MSR1: variants seen among roughly 807,000 people sequenced by gnomAD.
MSR1 encodes the protein macrophage scavenger receptor 1, also known as macrophage scavenger receptor types I and II.
MSR1 carries 53 observed loss-of-function variants against 47.2 expected under a neutral mutation model. The observed-to-expected ratio is 1.12, with a 90% CI of 0.90 to 1.41. MSR1 has a LOEUF of 1.41. MSR1 is among the 40% of genes most tolerant of loss of function. The pLI is 0.00. For missense variants in MSR1, 786 were observed against 546.9 expected (o/e 1.44, Z -4.36); for synonymous variants, 239 against 185.6 (o/e 1.29, Z -2.34).
At chr8:16,153,933 C>T (rs1800928814) in intron 6 of MSR1, among the ~76,000 whole-genome samples, 1 of 151,898 alleles carries the variant, frequency 6.6e-6, no homozygotes, top group South Asian at 2.1e-4. Flanking sequence ...GCAAGGCATT[C>T]AAAAGCACAT....
chr8:16,129,795 G>C (rs552543996), intron 8 of MSR1, among the ~76,000 whole-genome samples: 6 of 152,174 alleles, frequency 3.9e-5, no homozygotes, highest in African/African-American at 1.4e-4. Flanking sequence ...GACATTTCCA[G>C]AGACGATCGG....
intron 8 of MSR1, chr8:16,140,318 T>A: frequency 2.0e-6 from 2 of 985,262 alleles, no homozygotes; most frequent in Non-Finnish European, 2.4e-6. Flanking sequence ...TGACTCAGTC[T>A]TTACTTTGAT....
At chr8:16,114,212 G>A (rs1799825653) in intron 9 of MSR1, among the ~76,000 whole-genome samples, 1 of 139,830 alleles carries the variant, frequency 7.2e-6, no homozygotes. Flanking sequence ...TTTTTTGATT[G>A]CCTTCTGTTT....
intron 4 of MSR1, among the ~76,000 whole-genome samples, chr8:16,167,212 C>A (rs1002055498): frequency 2.1e-4 from 32 of 152,238 alleles, no homozygotes; most frequent in Middle Eastern, 3.4e-3. Context: ...CAGATAGTTT[C>A]CAATTTGCTT....
chr8:16,138,424 T>C (rs1038628444), intron 8 of MSR1, among the ~76,000 whole-genome samples: 2 of 152,198 alleles, frequency 1.3e-5, no homozygotes, highest in South Asian at 4.1e-4. Context: ...TTTTTAAAGT[T>C]GATAAAATTT....
intron 7 of MSR1, among the ~76,000 whole-genome samples, chr8:16,149,136 T>C (rs1240612957): frequency 1.3e-5 from 2 of 152,052 alleles, no homozygotes; most frequent in Admixed American, 1.3e-4. Context: ...CTGAAACACA[T>C]AAAATGTACA....
At chr8:16,123,036 G>T (rs1046032204) in intron 8 of MSR1, among the ~76,000 whole-genome samples, 2 of 151,672 alleles carry the variant, frequency 1.3e-5, no homozygotes, top group African/African-American at 4.8e-5. Context: ...TAGTACAGAC[G>T]GGGTTTCACC....
chr8:16,168,889 A>G lies in MSR1; in HGVS notation c.218-19T>C. ...AGTTGAGCTGTATATTTAAGTAAAAATAAACCAGTCATGGCCTGATCCTTG... is the reference window on the plus strand; with the variant it reads ...AGTTGAGCTGTATATTTAAGTAAAAGTAAACCAGTCATGGCCTGATCCTTG... On this transcript the variant is annotated intron_variant, in intron 3 of 9. Coordinates refer to ENST00000262101, the MANE Select transcript of MSR1 (RefSeq NM_138715.3). The G allele has an allele frequency of 1.2e-6, 2 of 1,608,988 alleles. No homozygotes were observed. Among genetic ancestry groups the G allele is most frequent in the Non-Finnish European group, 1.7e-6 (2 of 1,179,626 alleles).
intron 4 of MSR1, among the ~76,000 whole-genome samples, chr8:16,164,502 T>C (rs1323218408): frequency 6.6e-6 from 1 of 151,950 alleles, no homozygotes; most frequent in Non-Finnish European, 1.5e-5. Context: ...GTATCTATGA[T>C]ATGTTTCTAT....
chr8:16,160,488 G>A (rs1801131287), intron 5 of MSR1, among the ~76,000 whole-genome samples: 1 of 151,968 alleles, frequency 6.6e-6, no homozygotes, highest in South Asian at 2.1e-4. Flanking sequence ...TAGACAAGGA[G>A]GAGAAGACTT....
chr8:16,162,566 G>C (rs1295345607), intron 5 of MSR1, among the ~76,000 whole-genome samples: 1 of 152,002 alleles, frequency 6.6e-6, no homozygotes, highest in Non-Finnish European at 1.5e-5. Flanking sequence ...TGTAGATAAA[G>C]AAAGGCAGAT....
chr8:16,172,253 C>A (rs529957228), intron 3 of MSR1, among the ~76,000 whole-genome samples: 1 of 152,138 alleles, frequency 6.6e-6, no homozygotes, highest in South Asian at 2.1e-4. Flanking sequence ...GAAAGAGAAG[C>A]CCCAATGTGA....
intron 8 of MSR1, among the ~76,000 whole-genome samples, chr8:16,135,316 GA>G (rs1800363803): frequency 6.6e-6 from 1 of 152,112 alleles, no homozygotes; most frequent in African/African-American, 2.4e-5. Flanking sequence ...TTGCTATTCT[GA>G]AAATTCTAGG....
intron 7 of MSR1, among the ~76,000 whole-genome samples, chr8:16,144,988 C>G (rs1409863115): frequency 2.6e-5 from 4 of 151,754 alleles, no homozygotes; most frequent in Admixed American, 2.0e-4. Flanking sequence ...ATTTTGGATC[C>G]TAATTTACCA....
chr8:16,166,688 T>A (rs765839644), intron 4 of MSR1, among the ~76,000 whole-genome samples: 1 of 152,142 alleles, frequency 6.6e-6, no homozygotes, highest in Non-Finnish European at 1.5e-5. Context: ...TGGATGATGA[T>A]AAATGCCACC....
At chr8:16,175,531 G>C (rs1160312689) in intron 2 of MSR1, among the ~76,000 whole-genome samples, 1 of 152,170 alleles carries the variant, frequency 6.6e-6, no homozygotes, top group Non-Finnish European at 1.5e-5. Flanking sequence ...ACATCTACAA[G>C]AAAGTTACTG....
chr8:16,170,872 C>G (rs1002955854), intron 3 of MSR1, among the ~76,000 whole-genome samples: 1 of 152,136 alleles, frequency 6.6e-6, no homozygotes, highest in African/African-American at 2.4e-5. Context: ...ACAATTACCT[C>G]AACAGTGGTG....
At chr8:16,169,860 C>T (rs539068454) in intron 3 of MSR1, among the ~76,000 whole-genome samples, 2 of 151,724 alleles carry the variant, frequency 1.3e-5, no homozygotes, top group South Asian at 4.2e-4. Context: ...TTTTGATGAA[C>T]AATCTTGTGA....
chr8:16,145,031 T>C (rs1800661234), intron 7 of MSR1, among the ~76,000 whole-genome samples: 1 of 152,104 alleles, frequency 6.6e-6, no homozygotes, highest in African/African-American at 2.4e-5. Flanking sequence ...ATGTAACATA[T>C]ACAATCAGTA....
Sources: allele counts gnomAD v4.1 joint callset (sites outside exome capture counted in the v4.1 genomes callset), GRCh38; gene constraint gnomAD v4.1.1; transcripts MANE v1.5; gene names NCBI Gene and HGNC (gene_info 2026-07-23, HGNC 2026-07-21).